Variants in EPM2A observed in about 807,000 individuals in gnomAD.
EPM2A encodes laforin.
Under a neutral mutation model 26.5 loss-of-function variants are expected in EPM2A, and 21 were observed. The observed-to-expected ratio is 0.79, with a 90% CI of 0.56 to 1.14. The LOEUF is 1.14. EPM2A is among the 50% of genes most tolerant of loss of function. EPM2A has a pLI of 0.00. For synonymous variants in EPM2A, 217 were observed against 177.6 expected (o/e 1.22, Z -1.76); for missense variants, 458 against 440.8 (o/e 1.04, Z -0.35).
chr6:145,703,030 T>G (rs1482791160), intron 1 of EPM2A, among the ~76,000 whole-genome samples: 1 of 152,214 alleles, frequency 6.6e-6, no homozygotes, highest in Non-Finnish European at 1.5e-5. Context: ...AGTGCTCATC[T>G]TAAACAAAAT....
At chr6:145,563,264 G>A (rs1274268563) in intron 2 of EPM2A, among the ~76,000 whole-genome samples, 1 of 151,498 alleles carries the variant, frequency 6.6e-6, no homozygotes, top group South Asian at 2.1e-4. Context: ...AGCTGTCCTT[G>A]GTTAAACATA....
At chr6:145,426,220 C>G (rs965750123) in intron 4 of EPM2A, among the ~76,000 whole-genome samples, 1 of 152,144 alleles carries the variant, frequency 6.6e-6, no homozygotes, top group African/African-American at 2.4e-5. Context: ...ATCACTTTTT[C>G]CTCCTTATTA....
At chr6:145,557,824 A>T (rs1034635383) in intron 2 of EPM2A, among the ~76,000 whole-genome samples, 1 of 152,050 alleles carries the variant, frequency 6.6e-6, no homozygotes, top group African/African-American at 2.4e-5. Flanking sequence ...TGTACAATAG[A>T]TCTCTTGAAC....
chr6:145,480,116 TTG>T (rs1779595719), intron 4 of EPM2A, among the ~76,000 whole-genome samples: 1 of 151,954 alleles, frequency 6.6e-6, no homozygotes, highest in Admixed American at 6.6e-5. Context: ...GTCTGTCTCT[TTG>T]TTTTTCAGTA....
chr6:145,664,759 G>A (rs1240214513), intron 2 of EPM2A, among the ~76,000 whole-genome samples: 2 of 151,714 alleles, frequency 1.3e-5, no homozygotes, highest in African/African-American at 2.4e-5. Flanking sequence ...CCACATACTT[G>A]GAAGTAAAGC....
At chr6:145,567,840 C>T (rs1224599962) in intron 2 of EPM2A, among the ~76,000 whole-genome samples, 1 of 152,138 alleles carries the variant, frequency 6.6e-6, no homozygotes, top group African/African-American at 2.4e-5. Flanking sequence ...GTCTGACATC[C>T]GGCTCTGCTG....
intron 4 of EPM2A, among the ~76,000 whole-genome samples, chr6:145,484,273 C>T (rs1031841813): frequency 9.9e-5 from 15 of 152,036 alleles, no homozygotes; most frequent in Non-Finnish European, 2.2e-4. Flanking sequence ...CCTAAATATA[C>T]TGACCCCTGT....
At chr6:145,588,770 A>T (rs1582878737) in intron 2 of EPM2A, among the ~76,000 whole-genome samples, 1 of 152,328 alleles carries the variant, frequency 6.6e-6, no homozygotes, top group South Asian at 2.1e-4. Flanking sequence ...TAGTCTATAA[A>T]CTTAAAATTT....
chr6:145,412,877 C>A (rs57226948), intron 4 of EPM2A, among the ~76,000 whole-genome samples: 7,481 of 152,180 alleles, frequency 0.049, 617 homozygotes, highest in African/African-American at 0.17. Flanking sequence ...GTGGCTAAGG[C>A]AACAGAATGA....
intron 2 of EPM2A, among the ~76,000 whole-genome samples, chr6:145,680,819 C>T (rs1780470593): frequency 6.6e-6 from 1 of 152,052 alleles, no homozygotes; most frequent in Non-Finnish European, 1.5e-5. Context: ...GGTTCCAAGT[C>T]TTTGCTATTG....
chr6:145,610,439 C>G (rs6925420), intron 2 of EPM2A, among the ~76,000 whole-genome samples: 1 of 152,132 alleles, frequency 6.6e-6, no homozygotes, highest in Non-Finnish European at 1.5e-5. Context: ...CTTATTTATA[C>G]AGCAATCCTT....
chr6:145,430,205 A>C (rs1409893929), intron 4 of EPM2A, among the ~76,000 whole-genome samples: 1 of 151,950 alleles, frequency 6.6e-6, no homozygotes, highest in Non-Finnish European at 1.5e-5. Flanking sequence ...ATAAATAAAT[A>C]AAAATAAACG....
chr6:145,718,759 CA>C (rs1775784563), intron 1 of EPM2A, among the ~76,000 whole-genome samples: 1 of 152,172 alleles, frequency 6.6e-6, no homozygotes, highest in East Asian at 1.9e-4. Flanking sequence ...ACAATGAACT[CA>C]AACAAATTTA....
At chr6:145,710,671 T>C (rs28829296) in intron 1 of EPM2A, among the ~76,000 whole-genome samples, 10,256 of 152,022 alleles carry the variant, frequency 0.067, 1,132 homozygotes, top group African/African-American at 0.23. Flanking sequence ...CACATGCACA[T>C]GTATGTTTAT....
downstream of EPM2A, among the ~76,000 whole-genome samples, chr6:145,624,871 T>G (rs1775714825): frequency 6.6e-6 from 1 of 152,212 alleles, no homozygotes; most frequent in Non-Finnish European, 1.5e-5. Context: ...GAGAGTGTTT[T>G]GTGTTGTGTT....
In EPM2A at chr6:145,485,427, C is replaced by A. The variant is rs75030870; in HGVS notation, c.555+17095G>T. On this transcript the variant is annotated intron_variant, in intron 4 of 4. Transcript: ENST00000638717. ...GAGTTTTGAAGCCAGAGCATGAAGACAAAAAGCAGAAACTCTTGGCCTTTA... is the reference window on the plus strand; with the variant it reads ...GAGTTTTGAAGCCAGAGCATGAAGAAAAAAAGCAGAAACTCTTGGCCTTTA... 7.7e-3 allele frequency among the ~76,000 whole-genome samples: 1,168 copies of A among 152,098 alleles called. 16 individuals are homozygous for A. Among genetic ancestry groups the A allele is most frequent in the African/African-American group, 0.027 (1,112 of 41,508 alleles).
chr6:145,597,044 G>A (rs991207586), intron 2 of EPM2A, among the ~76,000 whole-genome samples: 6 of 151,058 alleles, frequency 4.0e-5, no homozygotes, highest in East Asian at 3.9e-4. Flanking sequence ...ACAGGCGCCC[G>A]CCACCGCGCC....
chr6:145,481,101 C>A (rs1779606905), intron 4 of EPM2A, among the ~76,000 whole-genome samples: 2 of 152,008 alleles, frequency 1.3e-5, no homozygotes, highest in Admixed American at 1.3e-4. Flanking sequence ...CTTCAACTGT[C>A]ACAGGATTTA....
chr6:145,464,190 A>ATGGT (rs1779358730), intron 4 of EPM2A, among the ~76,000 whole-genome samples: 1 of 151,962 alleles, frequency 6.6e-6, no homozygotes, highest in South Asian at 2.1e-4. Flanking sequence ...ATGAGATCTG[A>ATGGT]TGGTTTTATA....
Sources: allele counts gnomAD v4.1 joint callset (sites outside exome capture counted in the v4.1 genomes callset), GRCh38; gene constraint gnomAD v4.1.1; transcripts MANE v1.5; gene names NCBI Gene and HGNC (gene_info 2026-07-23, HGNC 2026-07-21).